FAM13A: variants seen among roughly 807,000 people sequenced by gnomAD.
The protein encoded by FAM13A is family with sequence similarity 13 member A, also known as protein FAM13A.
FAM13A carries 76 observed loss-of-function variants against 129.6 expected under a neutral mutation model. That is an observed-to-expected ratio of 0.59 (90% CI 0.49 to 0.71). The LOEUF (loss-of-function observed/expected upper bound fraction) is 0.71, where lower values mean the gene tolerates loss of function less well. Ranked by LOEUF, FAM13A falls within the 30% of genes least tolerant of loss-of-function variation. The pLI, the probability that FAM13A is intolerant of heterozygous loss-of-function variation, is 0.00. For missense variants in FAM13A, 1,108 were observed against 1,249.3 expected, an observed-to-expected ratio of 0.89 and a Z score of 1.70; for synonymous variants, 443 against 449.9, an observed-to-expected ratio of 0.98 and a Z score of 0.20.
chr4:88,862,052 A>G (rs1347326705), intron 6 of FAM13A, among the ~76,000 whole-genome samples: 1 of 152,216 alleles, frequency 6.6e-6, no homozygotes, highest in Admixed American at 6.5e-5. Flanking sequence ...TTTATGGAGC[A>G]CTTACTACCT....
chr4:88,907,647 C>G (rs1748384267), intron 5 of FAM13A, among the ~76,000 whole-genome samples: 1 of 152,102 alleles, frequency 6.6e-6, no homozygotes, highest in African/African-American at 2.4e-5. Context: ...TCATCATCTC[C>G]CCTTTAAGGC....
At chr4:89,033,628 C>T (rs1768989659) in intron 1 of FAM13A, among the ~76,000 whole-genome samples, 1 of 152,078 alleles carries the variant, frequency 6.6e-6, no homozygotes, top group South Asian at 2.1e-4. Flanking sequence ...CTCTTTAATA[C>T]AAAGTAAGGT....
chr4:88,921,446 A>C (rs1456917938), intron 5 of FAM13A, among the ~76,000 whole-genome samples: 1 of 152,208 alleles, frequency 6.6e-6, no homozygotes, highest in Non-Finnish European at 1.5e-5. Flanking sequence ...ATATCCAGCC[A>C]AACTAATCTT....
At chr4:88,886,309 C>T (rs1744396760) in intron 6 of FAM13A, among the ~76,000 whole-genome samples, 1 of 152,184 alleles carries the variant, frequency 6.6e-6, no homozygotes, top group Non-Finnish European at 1.5e-5. Flanking sequence ...ATTTTGGTGG[C>T]TGGGTGTGGT....
chr4:88,996,423 G>A (rs939550275), intron 3 of FAM13A, among the ~76,000 whole-genome samples: 6 of 152,216 alleles, frequency 3.9e-5, no homozygotes, highest in Non-Finnish European at 8.8e-5. Flanking sequence ...GGGATGGTTA[G>A]ACGTGGGGGC....
intron 19 of FAM13A, among the ~76,000 whole-genome samples, chr4:88,739,339 C>T (rs1372226322): frequency 6.6e-6 from 1 of 152,082 alleles, no homozygotes; most frequent in Non-Finnish European, 1.5e-5. Flanking sequence ...GAAGTCACTC[C>T]ACTGGTAGTA....
At chr4:88,790,538 TTA>T in intron 9 of FAM13A, 46 bp downstream of exon 9, 1 of 1,264,512 alleles carries the variant, frequency 7.9e-7, no homozygotes, top group Non-Finnish European at 1.1e-6. Flanking sequence ...GGACAGGGCA[TTA>T]AAAAAAAAAA....
At chr4:88,825,508 G>A (rs1013270220) in intron 7 of FAM13A, among the ~76,000 whole-genome samples, 3 of 152,072 alleles carry the variant, frequency 2.0e-5, no homozygotes, top group South Asian at 4.1e-4. Flanking sequence ...GAGCCACTAC[G>A]CCTGGCATGA....
chr4:89,000,612 G>T (rs990320305), intron 3 of FAM13A, among the ~76,000 whole-genome samples: 3 of 152,124 alleles, frequency 2.0e-5, no homozygotes, highest in Non-Finnish European at 4.4e-5. Context: ...AATGGTGATG[G>T]TTGCACTTTG....
At chr4:88,863,717 C>T (rs1739903476) in intron 6 of FAM13A, among the ~76,000 whole-genome samples, 1 of 152,070 alleles carries the variant, frequency 6.6e-6, no homozygotes, top group South Asian at 2.1e-4. Flanking sequence ...TGGAGAATTG[C>T]TTGGTATGCA....
chr4:88,807,362 A>G (rs1340209728), intron 7 of FAM13A, among the ~76,000 whole-genome samples: 1 of 152,140 alleles, frequency 6.6e-6, no homozygotes, highest in African/African-American at 2.4e-5. Flanking sequence ...TGCGGGCCAG[A>G]TCCTACCACA....
chr4:88,917,371 G>A (rs1423148174), intron 5 of FAM13A, among the ~76,000 whole-genome samples: 2 of 152,000 alleles, frequency 1.3e-5, no homozygotes, highest in Admixed American at 6.6e-5. Context: ...ATCTATTCAC[G>A]AGGAATCCAC....
intron 6 of FAM13A, among the ~76,000 whole-genome samples, chr4:88,887,152 T>A (rs1002399172): frequency 4.9e-5 from 7 of 143,780 alleles, no homozygotes; most frequent in African/African-American, 1.8e-4. Flanking sequence ...GGGGAAAGAG[T>A]GGGAGGGGGC....
chr4:89,028,050 C>CAAA (rs35334263), intron 2 of FAM13A, among the ~76,000 whole-genome samples: 2 of 139,436 alleles, frequency 1.4e-5, no homozygotes, highest in African/African-American at 5.4e-5. Flanking sequence ...ACTAATAATA[C>CAAA]AAAAAAAAAA....
intron 1 of FAM13A, among the ~76,000 whole-genome samples, chr4:89,055,691 G>A (rs1170435471): frequency 6.6e-6 from 1 of 152,092 alleles, no homozygotes; most frequent in Non-Finnish European, 1.5e-5. Flanking sequence ...GTAAAAGTCA[G>A]TATTTTACAC....
intron 3 of FAM13A, among the ~76,000 whole-genome samples, chr4:88,998,607 G>A (rs1280186191): frequency 6.6e-6 from 1 of 152,114 alleles, no homozygotes; most frequent in South Asian, 2.1e-4. Flanking sequence ...AGGGCTTGTG[G>A]AGAAATAAAA....
intron 4 of FAM13A, among the ~76,000 whole-genome samples, chr4:88,967,497 T>G (rs1759507051): frequency 6.6e-6 from 1 of 152,210 alleles, no homozygotes; most frequent in African/African-American, 2.4e-5. Context: ...AAGTTCCATG[T>G]GGAACATTTT....
At chr4:88,946,091 T>C (rs993942023) in intron 4 of FAM13A, among the ~76,000 whole-genome samples, 11 of 146,074 alleles carry the variant, frequency 7.5e-5, no homozygotes, top group Non-Finnish European at 1.2e-4. Flanking sequence ...CCCCAGCCCA[T>C]AGTACATGCC....
intron 5 of FAM13A, among the ~76,000 whole-genome samples, chr4:88,909,675 T>A (rs1748737320): frequency 6.6e-6 from 1 of 152,032 alleles, no homozygotes; most frequent in South Asian, 2.1e-4. Context: ...TTAGTAGAGA[T>A]GAGGTTTCTC....
Sources: allele counts gnomAD v4.1 joint callset (sites outside exome capture counted in the v4.1 genomes callset), GRCh38; gene constraint gnomAD v4.1.1; transcripts MANE v1.5; gene names NCBI Gene and HGNC (gene_info 2026-07-23, HGNC 2026-07-21).